Variants in RNF150 observed in about 807,000 individuals in gnomAD.
RNF150 encodes ring finger protein 150.
A neutral mutation model predicts 39.3 loss-of-function variants in RNF150; 24 were observed. That is an observed-to-expected ratio of 0.61 (90% CI 0.44 to 0.86). The LOEUF is 0.86. Among genes scored for constraint, RNF150 ranks in the 40% least tolerant of loss-of-function variants. The pLI, the probability that RNF150 is intolerant of heterozygous loss-of-function variation, is 0.00. For missense variants in RNF150, 502 were observed against 587.8 expected (o/e 0.85, Z 1.51); for synonymous variants, 255 against 227.3 (o/e 1.12, Z -1.10).
chr4:140,920,947 A>G (rs1424189595), intron 5 of RNF150, among the ~76,000 whole-genome samples: 1 of 151,910 alleles, frequency 6.6e-6, no homozygotes, highest in African/African-American at 2.4e-5. Flanking sequence ...ACAAAAAACC[A>G]AACACTGCAT....
chr4:141,054,109 G>A (rs1736880501), intron 1 of RNF150, among the ~76,000 whole-genome samples: 1 of 152,010 alleles, frequency 6.6e-6, no homozygotes, highest in South Asian at 2.1e-4. Flanking sequence ...ATCTATGTCC[G>A]TAAGTCTACA....
At chr4:141,150,064 T>C (rs1727271323) in intron 1 of RNF150, among the ~76,000 whole-genome samples, 3 of 152,150 alleles carry the variant, frequency 2.0e-5, no homozygotes, top group Admixed American at 1.3e-4. Flanking sequence ...AAATTATCAC[T>C]GAAGAGGGGT....
chr4:141,210,860 A>C (rs1249279265), intron 1 of RNF150, among the ~76,000 whole-genome samples: 1 of 152,152 alleles, frequency 6.6e-6, no homozygotes, highest in Non-Finnish European at 1.5e-5. Context: ...CATGTAACTC[A>C]ATTCTGGTCA....
At chr4:141,006,251 TAC>T (rs200336129) in intron 1 of RNF150, among the ~76,000 whole-genome samples, 200 of 150,708 alleles carry the variant, frequency 1.3e-3, no homozygotes, top group African/African-American at 4.4e-3. Context: ...TATATATACA[TAC>T]ATATATACGT....
At chr4:141,166,531 C>G (rs1295206001) in intron 1 of RNF150, among the ~76,000 whole-genome samples, 2 of 152,134 alleles carry the variant, frequency 1.3e-5, no homozygotes, top group Non-Finnish European at 2.9e-5. Flanking sequence ...AACATTGATG[C>G]AAAAATCCTC....
At chr4:140,923,741 AC>A (rs1232143469) in intron 5 of RNF150, among the ~76,000 whole-genome samples, 1 of 152,292 alleles carries the variant, frequency 6.6e-6, no homozygotes, top group East Asian at 1.9e-4. Context: ...ACAATGATAG[AC>A]TGTATTAAGA....
At position 140,861,629 on chromosome 4, in the gene RNF150, G is replaced by A. The variant is rs1292307391; in HGVS notation, c.*6632C>T. ...CACAAATTCAGACCGAAAAGTCCAT[G>A]TATGTGTTAGTTCTTCAACTGCTCT... On this transcript the variant is annotated 3_prime_UTR_variant, in exon 7 of 7. Transcript: ENST00000515673. 3 of 152,232 alleles carry A rather than the reference G, an allele frequency of 2.0e-5. No individual in the cohort carries two copies. The highest frequency in any genetic ancestry group is 4.4e-5 in the Non-Finnish European group (3 of 68,050). The allele number at this position is 152,232 out of a possible 1,614,324, so 9.4% of individuals were successfully genotyped here.
At chr4:140,946,624 T>C (rs72722377) in intron 4 of RNF150, among the ~76,000 whole-genome samples, 1 of 152,294 alleles carries the variant, frequency 6.6e-6, no homozygotes, top group Non-Finnish European at 1.5e-5. Flanking sequence ...GTAGCCAGGA[T>C]TACAGGCGAG....
At chr4:140,993,643 G>A (rs894753566) in intron 1 of RNF150, among the ~76,000 whole-genome samples, 4 of 152,176 alleles carry the variant, frequency 2.6e-5, no homozygotes, top group Admixed American at 6.5e-5. Context: ...CCTGGAGAAC[G>A]AAGATAGTTT....
chr4:140,998,658 G>C (rs1338143014), intron 1 of RNF150, among the ~76,000 whole-genome samples: 1 of 152,202 alleles, frequency 6.6e-6, no homozygotes, highest in African/African-American at 2.4e-5. Flanking sequence ...CTGCAGAGGA[G>C]CACCACTGTA....
At chr4:141,017,983 C>T (rs1381548360) in intron 1 of RNF150, among the ~76,000 whole-genome samples, 1 of 152,116 alleles carries the variant, frequency 6.6e-6, no homozygotes, top group African/African-American at 2.4e-5. Context: ...GTTTTAGACT[C>T]TTCAGTCCTC....
At chr4:140,952,340 G>A (rs1235266298) in intron 2 of RNF150, among the ~76,000 whole-genome samples, 1 of 152,140 alleles carries the variant, frequency 6.6e-6, no homozygotes, top group African/African-American at 2.4e-5. Flanking sequence ...AAAAGCAGGT[G>A]AACTAGAAAT....
At chr4:141,087,526 CTT>C (rs1738413253) in intron 1 of RNF150, among the ~76,000 whole-genome samples, 1 of 132,012 alleles carries the variant, frequency 7.6e-6, no homozygotes, top group African/African-American at 2.7e-5. Context: ...TTTTCTTTCT[CTT>C]TTTCCCCCAT....
intron 1 of RNF150, among the ~76,000 whole-genome samples, chr4:140,970,313 T>C (rs1472462099): frequency 2.0e-5 from 3 of 152,172 alleles, no homozygotes; most frequent in Non-Finnish European, 2.9e-5. Context: ...TGCAATTTTT[T>C]CCCCTAAATT....
At chr4:141,054,215 A>G (rs143611531) in intron 1 of RNF150, among the ~76,000 whole-genome samples, 1 of 152,246 alleles carries the variant, frequency 6.6e-6, no homozygotes, top group Non-Finnish European at 1.5e-5. Flanking sequence ...TTCTATAGTT[A>G]TCGCTAGTAC....
At position 140,911,434 on chromosome 4, in the gene RNF150, C is replaced by T. The variant is rs906741248; in HGVS notation, c.988-80G>A. 4 of 1,218,796 alleles carry T rather than the reference C, an allele frequency of 3.3e-6. No individual in the cohort carries two copies. In the Admixed American group the frequency reaches 8.1e-5, roughly 25 times the overall value. 75.5% of individuals were successfully genotyped at this position (1,218,796 alleles called of 1,614,324 possible). A position where few individuals can be genotyped will look rare whatever the true frequency, so the allele number is the denominator to read the frequency against. ...AATGTCTATAGCCTAAACATTCTGT[C>T]TCCATGAAAAAATTAAGTTCTTTAT... On this transcript the variant is annotated intron_variant, in intron 5 of 6. Coordinates refer to ENST00000515673, the MANE Select transcript of RNF150 (RefSeq NM_020724.2).
rs572170408 is a variant in RNF150 at position 141,175,702 on chromosome 4, A to T, written c.-6+37092T>A. On this transcript the variant is annotated intron_variant, in intron 1 of 7. Transcript: ENST00000420921. The stretch of plus-strand genomic sequence containing the variant: ...TGAATGTTTTAGTTAGGGCTACTAT[A>T]ACTGCGTAGCTTATAAACAACAGAA... Among the ~76,000 whole-genome samples, 4 of 152,326 alleles carry T rather than the reference A, an allele frequency of 2.6e-5. No homozygotes were observed. In the East Asian group the frequency reaches 7.7e-4, roughly 29 times the overall value.
intron 1 of RNF150, among the ~76,000 whole-genome samples, chr4:141,043,652 TA>T (rs1736454938): frequency 6.6e-6 from 1 of 152,144 alleles, no homozygotes; most frequent in Non-Finnish European, 1.5e-5. Flanking sequence ...CATATACATG[TA>T]AAATTAAGGG....
chr4:141,080,929 C>G (rs533026103), intron 1 of RNF150, among the ~76,000 whole-genome samples: 1 of 152,126 alleles, frequency 6.6e-6, no homozygotes, highest in African/African-American at 2.4e-5. Context: ...TGTGAGAAGT[C>G]TGATCGCCAA....
Sources: allele counts gnomAD v4.1 joint callset (sites outside exome capture counted in the v4.1 genomes callset), GRCh38; gene constraint gnomAD v4.1.1; transcripts MANE v1.5; gene names NCBI Gene and HGNC (gene_info 2026-07-23, HGNC 2026-07-21).